Variants in NUP205 observed in about 807,000 individuals in gnomAD.
The protein encoded by NUP205 is nucleoporin 205.
Under a neutral mutation model 253.8 loss-of-function variants are expected in NUP205, and 76 were observed. That is an observed-to-expected ratio of 0.30 (90% CI 0.25 to 0.36). The LOEUF (loss-of-function observed/expected upper bound fraction) is 0.36. Ranked by LOEUF, NUP205 falls within the 10% of genes least tolerant of loss-of-function variation. The pLI is 1.00. For missense variants in NUP205, 2,162 were observed against 2,425.5 expected (o/e 0.89, Z 2.28); for synonymous variants, 832 against 850.1 (o/e 0.98, Z 0.37).
At chr7:135,583,021 C>A (rs574971669) in intron 7 of NUP205, among the ~76,000 whole-genome samples, 1 of 152,000 alleles carries the variant, frequency 6.6e-6, no homozygotes, top group Non-Finnish European at 1.5e-5. Context: ...ACCTGGGAGG[C>A]GGAGGTTGCA....
At chr7:135,567,906 T>G (rs1805830430) in intron 1 of NUP205, among the ~76,000 whole-genome samples, 2 of 152,138 alleles carry the variant, frequency 1.3e-5, no homozygotes, top group Non-Finnish European at 1.5e-5. Context: ...TTTAGAGTCA[T>G]ATTTTTTAAA....
At chr7:135,570,044 T>G (rs1463031202) in intron 1 of NUP205, among the ~76,000 whole-genome samples, 35 of 101,882 alleles carry the variant, frequency 3.4e-4, no homozygotes, top group African/African-American at 9.6e-4. Flanking sequence ...TATATATATA[T>G]ATATATATAG....
intron 1 of NUP205, among the ~76,000 whole-genome samples, chr7:135,569,652 A>G (rs942909826): frequency 1.8e-4 from 27 of 152,168 alleles, no homozygotes; most frequent in African/African-American, 6.3e-4. Flanking sequence ...TTGTTAAGAC[A>G]TAATCATACA....
intron 18 of NUP205, 80 bp downstream of exon 18, chr7:135,603,074 T>C (rs1469750575): frequency 8.0e-6 from 8 of 1,004,448 alleles, no homozygotes; most frequent in South Asian, 1.7e-5. Flanking sequence ...GTTAGGTATC[T>C]AGTGCATCAC....
At chr7:135,634,768 A>G (rs1421085512) in intron 35 of NUP205, among the ~76,000 whole-genome samples, 3 of 152,180 alleles carry the variant, frequency 2.0e-5, no homozygotes, top group African/African-American at 4.8e-5. Flanking sequence ...ACGAGCCCAC[A>G]TGTACCAGAT....
At chr7:135,613,250 G>A (rs1794281784) in intron 22 of NUP205, among the ~76,000 whole-genome samples, 1 of 151,558 alleles carries the variant, frequency 6.6e-6, no homozygotes, top group Non-Finnish European at 1.5e-5. Flanking sequence ...ACCATCTGGG[G>A]TACTTAGATC....
rs1321991104 is a variant in NUP205 at position 135,558,066 on chromosome 7, C to T, written c.28+94C>T. Reference sequence around the variant, plus strand: ...GTGAGGTTTCTCGGAGTCTAGGACCCCACTTATGTGCGGTGCCTGCTTTTC... The same window carrying T: ...GTGAGGTTTCTCGGAGTCTAGGACCTCACTTATGTGCGGTGCCTGCTTTTC... On this transcript the variant is annotated intron_variant, in intron 1 of 42. Coordinates refer to ENST00000285968, the MANE Select transcript of NUP205 (RefSeq NM_015135.3). 3.8e-6 allele frequency: 4 copies of T among 1,053,848 alleles called. No individual in the cohort carries two copies. The Admixed American group carries it at 5.1e-5, about 13-fold the overall frequency. 65.3% of individuals were successfully genotyped at this position (1,053,848 alleles called of 1,614,324 possible). A position where few individuals can be genotyped will look rare whatever the true frequency, so the allele number is the denominator to read the frequency against.
intron 10 of NUP205, among the ~76,000 whole-genome samples, chr7:135,590,369 C>G (rs1009738444): frequency 1.4e-5 from 2 of 142,028 alleles, no homozygotes; most frequent in African/African-American, 2.6e-5. Flanking sequence ...CCACCTTGGC[C>G]TCCCAAAGTG....
chr7:135,619,352 A>AT (rs1376431339), intron 28 of NUP205, 71 bp from the exon 29 acceptor site: 12 of 1,504,340 alleles, frequency 8.0e-6, no homozygotes, highest in Non-Finnish European at 4.5e-6. Flanking sequence ...CAAAAAAAAA[A>AT]AGCTATGAAA....
chr7:135,579,425 C>T (rs140374359), intron 7 of NUP205, among the ~76,000 whole-genome samples: 5,166 of 152,142 alleles, frequency 0.034, 118 homozygotes, highest in Middle Eastern at 0.1. Context: ...AACTCCCGAC[C>T]TCAGGTGATC....
At chr7:135,627,553 G>C (rs1183845810) in intron 33 of NUP205, among the ~76,000 whole-genome samples, 2 of 152,132 alleles carry the variant, frequency 1.3e-5, no homozygotes, top group Non-Finnish European at 2.9e-5. Flanking sequence ...TTGGGTAAGT[G>C]GTACTCACCC....
chr7:135,630,099 A>G (rs1794678823), intron 34 of NUP205, among the ~76,000 whole-genome samples: 1 of 152,182 alleles, frequency 6.6e-6, no homozygotes, highest in Non-Finnish European at 1.5e-5. Flanking sequence ...GCTTTAAAAT[A>G]ATCCTTTAGT....
chr7:135,571,622 T>A (rs569022432), intron 2 of NUP205, among the ~76,000 whole-genome samples: 16 of 152,188 alleles, frequency 1.1e-4, no homozygotes, highest in Non-Finnish European at 2.2e-4. Flanking sequence ...GTACGTGAGA[T>A]GTTTTGATAC....
chr7:135,593,250 G>A (rs1207715077), intron 12 of NUP205, 58 bp downstream of exon 12: 62 of 1,416,990 alleles, frequency 4.4e-5, no homozygotes, highest in Non-Finnish European at 5.9e-5. Flanking sequence ...AGCATTTTAA[G>A]AGCCCCAAAC....
Position 135,602,929 on chromosome 7 carries a change from A to G in NUP205, c.2637A>G (p.Leu879=). 6.2e-7 allele frequency: 1 copy of G among 1,613,964 alleles called. No homozygotes were observed. The highest frequency in any genetic ancestry group is 8.5e-7 in the Non-Finnish European group (1 of 1,179,932). The change falls in exon 18 of 43, where the codon TTA becomes TTG. Residue 879 remains leucine (L), a synonymous_variant. Transcript: ENST00000285968. ...ESQLALIVCP[L]EQLLQGINPR... is the part of the protein sequence containing the mutation. The stretch of plus-strand genomic sequence containing the variant: ...AACTGGCTCTAATAGTCTGTCCTTT[A>G]GAACAGCTTTTGCAGGGAATTAATC...
rs200907301 is a variant in NUP205 at position 135,630,937 on chromosome 7, G to T, written c.5059+467G>T. 3.0e-3 allele frequency among the ~76,000 whole-genome samples: 422 copies of T among 140,338 alleles called. 6 individuals carry two copies. Among genetic ancestry groups the T allele is most frequent in the East Asian group, 0.022 (101 of 4,508 alleles). The allele number at this position is 140,338 out of a possible 152,430, so 92.1% of individuals were successfully genotyped here. On this transcript the variant is annotated intron_variant, in intron 35 of 42. Transcript: ENST00000285968. ...CAAGACTCCGTCTCTGTTTTGTTTT[G>T]TTTTTTTTTTTTAAGATATAGGCTT...
At chr7:135,634,439 G>A (rs527430789) in intron 35 of NUP205, among the ~76,000 whole-genome samples, 27 of 152,246 alleles carry the variant, frequency 1.8e-4, no homozygotes, top group South Asian at 8.3e-4. Flanking sequence ...AGGAAAAAAA[G>A]TCTTAGTTTC....
At chr7:135,627,333 C>T in intron 33 of NUP205, among the ~76,000 whole-genome samples, 1 of 152,118 alleles carries the variant, frequency 6.6e-6, no homozygotes, top group East Asian at 1.9e-4. Context: ...TATTTTTATA[C>T]AGATTGAGCT....
At position 135,577,128 on chromosome 7, in the gene NUP205, G is replaced by A; in HGVS notation, c.648G>A (p.Glu216=). 1.9e-6 allele frequency: 3 copies of A among 1,608,362 alleles called. No individual in the cohort carries two copies. Among genetic ancestry groups the A allele is most frequent in the Non-Finnish European group, 2.5e-6 (3 of 1,178,054 alleles). ...RGLGSEKHRK[E]VSDLIKECRQ... Reference sequence around the variant, plus strand: ...TGGGCAGTGAAAAACATCGCAAAGAGGCAAGGGTTCAATGAAATCAATTCA... The same window carrying A: ...TGGGCAGTGAAAAACATCGCAAAGAAGCAAGGGTTCAATGAAATCAATTCA... Residue 216 remains glutamate (E), a splice_region_variant and synonymous_variant, in exon 5 of 43, where the codon GAG becomes GAA. Transcript: ENST00000285968.
Sources: gnomAD v4.1 joint callset for allele counts (sites outside exome capture counted in the v4.1 genomes callset) on GRCh38, gnomAD v4.1.1 for gene constraint, MANE v1.5 for transcripts, NCBI Gene and HGNC (gene_info 2026-07-23, HGNC 2026-07-21) for gene names.